The following KCNIP1 variants were observed in gnomAD, a reference collection of about 807,000 sequenced individuals.
KCNIP1 encodes A-type potassium channel modulatory protein KCNIP1.
A neutral mutation model predicts 33.0 loss-of-function variants in KCNIP1; 18 were observed. That is an observed-to-expected ratio of 0.55 (90% CI 0.38 to 0.81). The LOEUF (loss-of-function observed/expected upper bound fraction) is 0.81, where lower values mean the gene tolerates loss of function less well. Among genes scored for constraint, KCNIP1 ranks in the 30% least tolerant of loss-of-function variants. The pLI, the probability that KCNIP1 is intolerant of heterozygous loss-of-function variation, is 0.00. For synonymous variants in KCNIP1, 93 were observed against 98.3 expected (o/e 0.95, Z 0.32); for missense variants, 238 against 271.6 (o/e 0.88, Z 0.87).
chr5:170,538,239 G>C (rs1581292714), intron 1 of KCNIP1, among the ~76,000 whole-genome samples: 2 of 152,202 alleles, frequency 1.3e-5, no homozygotes, highest in East Asian at 3.9e-4. Context: ...TTCTCAAGTA[G>C]AAGTGTCCTC....
chr5:170,586,619 T>C (rs138861284), intron 1 of KCNIP1, among the ~76,000 whole-genome samples: 152 of 152,326 alleles, frequency 1.0e-3, no homozygotes, highest in African/African-American at 3.5e-3. Flanking sequence ...CAGTCCCTCA[T>C]CTTCTCCAGG....
intron 1 of KCNIP1, among the ~76,000 whole-genome samples, chr5:170,676,191 G>GGAAAT: frequency 1.6e-5 from 1 of 64,142 alleles, no homozygotes; most frequent in Non-Finnish European, 3.1e-5. Context: ...GGAAAGGAAA[G>GGAAAT]GAAAGGAAAG....
At chr5:170,385,966 A>T (rs962958767) in intron 1 of KCNIP1, among the ~76,000 whole-genome samples, 3 of 151,874 alleles carry the variant, frequency 2.0e-5, no homozygotes, top group African/African-American at 7.3e-5. Flanking sequence ...AAAAAAAAAA[A>T]ATACAAAAAA....
chr5:170,709,295 A>C (rs1382982408), intron 1 of KCNIP1, among the ~76,000 whole-genome samples: 1 of 152,174 alleles, frequency 6.6e-6, no homozygotes, highest in African/African-American at 2.4e-5. Flanking sequence ...TTTTAATTCT[A>C]TCAGTCTTTG....
intron 1 of KCNIP1, among the ~76,000 whole-genome samples, chr5:170,642,470 G>C (rs770778621): frequency 6.6e-6 from 1 of 152,196 alleles, no homozygotes; most frequent in Admixed American, 6.5e-5. Flanking sequence ...AATCATTAGA[G>C]GGTCTCAGTT....
intron 1 of KCNIP1, among the ~76,000 whole-genome samples, chr5:170,598,940 T>TGTGTGTG (rs1408858634): frequency 1.1e-4 from 17 of 149,618 alleles, no homozygotes; most frequent in Admixed American, 2.0e-4. Context: ...TGTGTGTGTG[T>TGTGTGTG]GTTTGGTGGG....
Position 170,394,391 on chromosome 5 carries a change from T to C in KCNIP1, c.88+40427T>C, listed in dbSNP as rs193213882. On this transcript the variant is annotated intron_variant, in intron 1 of 7. Transcript: ENST00000377360. The stretch of plus-strand genomic sequence containing the variant: ...TCTCTAAAATCAGGGACTGGAACCG[T>C]TCTTATTCACTGCCGCATCTCTAGC... Among the ~76,000 whole-genome samples, 4 of 152,346 alleles carry C rather than the reference T, an allele frequency of 2.6e-5. No homozygotes were observed. In the East Asian group the frequency reaches 7.7e-4, roughly 29 times the overall value.
At chr5:170,419,243 T>C (rs765623243) in intron 1 of KCNIP1, among the ~76,000 whole-genome samples, 1 of 152,120 alleles carries the variant, frequency 6.6e-6, no homozygotes, top group Non-Finnish European at 1.5e-5. Context: ...CCAGTGAGGT[T>C]TGGGGGTTCC....
intron 1 of KCNIP1, among the ~76,000 whole-genome samples, chr5:170,699,349 A>T (rs1463560639): frequency 1.3e-5 from 2 of 151,884 alleles, no homozygotes; most frequent in Non-Finnish European, 2.9e-5. Context: ...ACTTCTAGGA[A>T]TTTTTCTGAG....
chr5:170,509,331 G>A (rs1345894931), intron 1 of KCNIP1, among the ~76,000 whole-genome samples: 4 of 152,030 alleles, frequency 2.6e-5, no homozygotes, highest in Non-Finnish European at 4.4e-5. Flanking sequence ...CCCAGAAGAA[G>A]CTCAATGGAG....
chr5:170,373,310 G>A (rs1405076268), intron 1 of KCNIP1, among the ~76,000 whole-genome samples: 1 of 152,208 alleles, frequency 6.6e-6, no homozygotes, highest in East Asian at 1.9e-4. Context: ...GGAATCTGAT[G>A]GAGCCTGGTG....
rs139834957 is a variant in KCNIP1 at position 170,521,900 on chromosome 5, C to G, written c.61+17267C>G. ...CCAGTAGCCTTCTTCCATGTAGTCA[C>G]TCAGGGACCTAGCCTCCTTCCATCT... On this transcript the variant is annotated intron_variant, in intron 1 of 7. Coordinates refer to ENST00000328939, the MANE Select transcript of KCNIP1 (RefSeq NM_014592.4). Among the ~76,000 whole-genome samples the G allele has an allele frequency of 4.5e-3, 693 of 152,354 alleles. 7 individuals carry two copies. The highest frequency in any genetic ancestry group is 0.016 in the African/African-American group (662 of 41,584).
chr5:170,442,461 T>C (rs1235496312), intron 1 of KCNIP1, among the ~76,000 whole-genome samples: 2 of 152,174 alleles, frequency 1.3e-5, no homozygotes, highest in Non-Finnish European at 2.9e-5. Flanking sequence ...CCATCTAGGA[T>C]CCACCCTGAC....
At chr5:170,642,493 G>A (rs575683851) in intron 1 of KCNIP1, among the ~76,000 whole-genome samples, 2 of 152,202 alleles carry the variant, frequency 1.3e-5, no homozygotes, top group Non-Finnish European at 2.9e-5. Context: ...CTGAGTAACT[G>A]TGGGAGCAGC....
At chr5:170,471,393 T>C (rs1313832459) in intron 1 of KCNIP1, among the ~76,000 whole-genome samples, 4 of 152,224 alleles carry the variant, frequency 2.6e-5, no homozygotes, top group East Asian at 3.8e-4. Flanking sequence ...AGTATATTAG[T>C]CAATGTCTGC....
intron 1 of KCNIP1, among the ~76,000 whole-genome samples, chr5:170,476,689 G>T (rs566470157): frequency 6.6e-6 from 1 of 152,262 alleles, no homozygotes; most frequent in East Asian, 1.9e-4. Flanking sequence ...GCAAATTTTG[G>T]TACAGAAAAT....
At chr5:170,659,585 A>G (rs1761397607) in intron 1 of KCNIP1, among the ~76,000 whole-genome samples, 1 of 152,190 alleles carries the variant, frequency 6.6e-6, no homozygotes. Context: ...CTTTGTATAG[A>G]GAGGTCTTTC....
chr5:170,581,967 G>T (rs551017364), intron 1 of KCNIP1, among the ~76,000 whole-genome samples: 1 of 152,190 alleles, frequency 6.6e-6, no homozygotes, highest in African/African-American at 2.4e-5. Context: ...GAGATGCCAG[G>T]CTCTTTTAAA....
upstream of KCNIP1, among the ~76,000 whole-genome samples, chr5:170,502,404 G>A (rs2113226814): frequency 6.6e-6 from 1 of 152,316 alleles, no homozygotes; most frequent in South Asian, 2.1e-4. Flanking sequence ...CTCATGGGTT[G>A]GCATTAGGGG....
Sources: allele counts gnomAD v4.1 joint callset (sites outside exome capture counted in the v4.1 genomes callset), GRCh38; gene constraint gnomAD v4.1.1; transcripts MANE v1.5; gene names NCBI Gene and HGNC (gene_info 2026-07-23, HGNC 2026-07-21).